The following PRR5 variants were observed in gnomAD, a reference collection of about 807,000 sequenced individuals.
PRR5 encodes proline rich 5, also known as proline-rich protein 5.
PRR5 carries 25 observed loss-of-function variants against 30.6 expected under a neutral mutation model. The ratio of observed to expected loss-of-function variants is 0.82; its 90% CI spans 0.60 to 1.14. The LOEUF is 1.14. Ranked by LOEUF, PRR5 falls within the 50% of genes most tolerant of loss-of-function variation. The pLI is 0.00. For missense variants in PRR5, 600 were observed against 547.1 expected, an observed-to-expected ratio of 1.10 and a Z score of -0.96; for synonymous variants, 286 against 247.1, an observed-to-expected ratio of 1.16 and a Z score of -1.48.
rs995078747 is a variant in PRR5 at position 44,714,790 on chromosome 22, A to C, written c.215+119A>C. ...GCCACGCCTGTGCTTCCTCCCCTAGAGGCCATCTGTCAACAGGAGAGCGAG... is the reference window on the plus strand; with the variant it reads ...GCCACGCCTGTGCTTCCTCCCCTAGCGGCCATCTGTCAACAGGAGAGCGAG... On this transcript the variant is annotated intron_variant, in intron 2 of 7. Transcript: ENST00000336985. 14 of 1,337,394 alleles carry C rather than the reference A, an allele frequency of 1.0e-5. No homozygotes were observed. The African/African-American group carries it at 1.6e-4, about 15-fold the overall frequency. The allele number at this position is 1,337,394 out of a possible 1,614,324, so 82.8% of individuals were successfully genotyped here.
At chr22:44,693,602 A>C (rs1601970707) in intron 1 of PRR5, among the ~76,000 whole-genome samples, 2 of 141,972 alleles carry the variant, frequency 1.4e-5, no homozygotes. Flanking sequence ...CTGTGACTTC[A>C]CATTTCACAT....
At chr22:44,731,343 C>T (rs986276852) in intron 4 of PRR5, 2 of 313,574 alleles carry the variant, frequency 6.4e-6, no homozygotes, top group South Asian at 6.7e-5. Flanking sequence ...CACCTGTGAA[C>T]GTCTCACCTG....
intron 1 of PRR5, chr22:44,679,876 G>A (rs1418737533): frequency 1.3e-6 from 2 of 1,581,478 alleles, no homozygotes; most frequent in Non-Finnish European, 1.7e-6. Context: ...CAGCCTGAGG[G>A]CTTGTACAGG....
intron 2 of PRR5, among the ~76,000 whole-genome samples, chr22:44,715,895 A>G (rs887910742): frequency 6.6e-6 from 1 of 151,958 alleles, no homozygotes; most frequent in African/African-American, 2.4e-5. Flanking sequence ...CCATCCTCCC[A>G]CCTCCAGCCT....
chr22:44,727,637 C>G (rs1486357224), intron 4 of PRR5, among the ~76,000 whole-genome samples: 1 of 152,222 alleles, frequency 6.6e-6, no homozygotes, highest in Non-Finnish European at 1.5e-5. Flanking sequence ...GCCACCGGGT[C>G]CCGAACCCAT....
At chr22:44,710,192 C>G (rs1297467762) in intron 1 of PRR5, among the ~76,000 whole-genome samples, 2 of 152,174 alleles carry the variant, frequency 1.3e-5, no homozygotes, top group African/African-American at 4.8e-5. Context: ...CTCAGCCCTT[C>G]TCTTCAGCCC....
intron 1 of PRR5, among the ~76,000 whole-genome samples, chr22:44,703,676 C>G (rs1447828453): frequency 1.3e-5 from 2 of 152,170 alleles, no homozygotes; most frequent in Non-Finnish European, 2.9e-5. Flanking sequence ...GAAGGAAGGA[C>G]TCCTGTTGGG....
chr22:44,730,586 C>T (rs1602086677), intron 4 of PRR5: 3 of 990,138 alleles, frequency 3.0e-6, no homozygotes, highest in Admixed American at 6.1e-5. Flanking sequence ...GTCCCGATGT[C>T]TGCTACCTAC....
At chr22:44,731,234 G>GCATTAAAAAA in intron 4 of PRR5, 4 of 227,142 alleles carry the variant, frequency 1.8e-5, no homozygotes, top group Non-Finnish European at 3.5e-5. Context: ...GTACCTGTGT[G>GCATTAAAAAA]GGTCTTACCT....
chr22:44,712,534 G>T (rs1391228097), intron 1 of PRR5, among the ~76,000 whole-genome samples: 1 of 152,238 alleles, frequency 6.6e-6, no homozygotes, highest in East Asian at 1.9e-4. Flanking sequence ...GGGAGTTCAG[G>T]TGCACAGGGG....
intron 1 of PRR5, 38 bp from the exon 2 acceptor site, chr22:44,714,553 A>G (rs765159313): frequency 1.2e-6 from 2 of 1,608,768 alleles, no homozygotes; most frequent in South Asian, 1.1e-5. Context: ...GGGCTCTCAG[A>G]CCTCAGGACT....
chr22:44,697,857 G>A (rs574765692), upstream of PRR5, among the ~76,000 whole-genome samples: 1 of 152,338 alleles, frequency 6.6e-6, no homozygotes, highest in East Asian at 1.9e-4. Flanking sequence ...GTGGGGACGA[G>A]TCGGGGCAGT....
chr22:44,731,687 C>T, intron 4 of PRR5, 43 bp from the exon 5 acceptor site: 9 of 1,600,162 alleles, frequency 5.6e-6, no homozygotes, highest in Non-Finnish European at 7.7e-6. Flanking sequence ...AGGCATCTGC[C>T]CGCGCCAGTC....
chr22:44,694,405 G>T (rs1382507521), intron 1 of PRR5, among the ~76,000 whole-genome samples: 1 of 152,194 alleles, frequency 6.6e-6, no homozygotes, highest in African/African-American at 2.4e-5. Flanking sequence ...AGGTGTGGTG[G>T]TGCATGCCTC....
At chr22:44,732,172 TG>T in intron 5 of PRR5, 78 bp from the exon 6 acceptor site, 1 of 1,573,466 alleles carries the variant, frequency 6.4e-7, no homozygotes, top group Non-Finnish European at 8.6e-7. Flanking sequence ...CTTCCCCCTG[TG>T]GGGTCCCAGG....
At chr22:44,684,244 G>A (rs12170556) in intron 1 of PRR5, among the ~76,000 whole-genome samples, 13,684 of 152,254 alleles carry the variant, frequency 0.09, 773 homozygotes, top group East Asian at 0.27. Flanking sequence ...GAGAGTGGTA[G>A]AAAATGTGCT....
At position 44,725,251 on chromosome 22, in the gene PRR5, TTGAAGACAGAGCTGG is replaced by T; in HGVS notation, c.224_238del (p.Leu75_Gly80delinsTrp). 6.2e-7 allele frequency: 1 copy of T among 1,613,896 alleles called. No individual in the cohort carries two copies. The highest frequency in any genetic ancestry group is 8.5e-7 in the Non-Finnish European group (1 of 1,179,972). On this transcript the variant is annotated inframe_deletion, in exon 3 of 8. Coordinates refer to ENST00000336985, the MANE Select transcript of PRR5 (RefSeq NM_181333.4). ...CTCACCTCCCACCCACAGGCAGCTG[TTGAAGACAGAGCTGG>T]GGTCCTTCTTCACGGAGTACCTGCA...
upstream of PRR5, among the ~76,000 whole-genome samples, chr22:44,674,987 G>A (rs1311573520): frequency 4.2e-5 from 6 of 143,500 alleles, no homozygotes; most frequent in Admixed American, 3.6e-4. Context: ...GGTGGCTCAC[G>A]CCTGTAATCC....
chr22:44,724,864 C>G (rs1366606562), intron 2 of PRR5, among the ~76,000 whole-genome samples: 1 of 152,132 alleles, frequency 6.6e-6, no homozygotes, highest in Admixed American at 6.5e-5. Context: ...AGGAGGAGCC[C>G]GTGGCATCCG....
Sources: allele counts gnomAD v4.1 joint callset (sites outside exome capture counted in the v4.1 genomes callset), GRCh38; gene constraint gnomAD v4.1.1; transcripts MANE v1.5; gene names NCBI Gene and HGNC (gene_info 2026-07-23, HGNC 2026-07-21).